Variants in HHAT observed in about 807,000 individuals in gnomAD.
HHAT encodes the protein hedgehog acyltransferase, also known as protein-cysteine N-palmitoyltransferase HHAT.
HHAT carries 47 observed loss-of-function variants against 70.8 expected under a neutral mutation model. The observed-to-expected ratio is 0.66, with a 90% CI of 0.53 to 0.85. The LOEUF is 0.85. Ranked by LOEUF, HHAT falls within the 40% of genes least tolerant of loss-of-function variation. The pLI, the probability that HHAT is intolerant of heterozygous loss-of-function variation, is 0.00. For synonymous variants in HHAT, 228 were observed against 247.6 expected (o/e 0.92, Z 0.74); for missense variants, 609 against 604.8 (o/e 1.01, Z -0.07).
chr1:210,388,044 G>C (rs1261818948), intron 4 of HHAT, among the ~76,000 whole-genome samples: 1 of 152,226 alleles, frequency 6.6e-6, no homozygotes, highest in East Asian at 1.9e-4. Context: ...TAGAGGATGA[G>C]AGATTCTTCA....
intron 7 of HHAT, among the ~76,000 whole-genome samples, chr1:210,429,656 A>T (rs1232586708): frequency 6.6e-6 from 1 of 151,558 alleles, no homozygotes; most frequent in Non-Finnish European, 1.5e-5. Context: ...TATCTGTGGG[A>T]TGCGTATAAT....
At chr1:210,587,289 G>A (rs1322212168) in intron 9 of HHAT, among the ~76,000 whole-genome samples, 1 of 152,162 alleles carries the variant, frequency 6.6e-6, no homozygotes, top group Admixed American at 6.5e-5. Context: ...TGAAGGAGAA[G>A]CAAAGGCACA....
chr1:210,400,384 C>A, intron 4 of HHAT, 84 bp from the exon 5 acceptor site: 2 of 1,240,296 alleles, frequency 1.6e-6, no homozygotes, highest in Non-Finnish European at 2.2e-6. Context: ...CCTTCAATAT[C>A]ACTTCCATGA....
chr1:210,632,354 G>T (rs1394639640), intron 11 of HHAT, among the ~76,000 whole-genome samples: 1 of 152,180 alleles, frequency 6.6e-6, no homozygotes, highest in African/African-American at 2.4e-5. Flanking sequence ...TAGGAGTGGA[G>T]GTTTAATAGG....
intron 6 of HHAT, among the ~76,000 whole-genome samples, chr1:210,410,523 A>ATT (rs35608235): frequency 0.015 from 1,724 of 116,330 alleles, 79 homozygotes; most frequent in African/African-American, 0.045. Context: ...TTATTTGTAA[A>ATT]TTTTTTTTTT....
chr1:210,497,088 T>C (rs1368324324), intron 8 of HHAT, among the ~76,000 whole-genome samples: 2 of 152,190 alleles, frequency 1.3e-5, no homozygotes, highest in Non-Finnish European at 1.5e-5. Flanking sequence ...ATGAGTGTGG[T>C]CTGAGTAATG....
chr1:210,540,613 T>C (rs553805170), intron 9 of HHAT, among the ~76,000 whole-genome samples: 29 of 148,224 alleles, frequency 2.0e-4, no homozygotes, highest in African/African-American at 7.2e-4. Context: ...TATGTGTATG[T>C]TTGCTTCAAT....
chr1:210,560,212 G>A (rs551217854), intron 9 of HHAT, among the ~76,000 whole-genome samples: 2 of 152,176 alleles, frequency 1.3e-5, no homozygotes, highest in South Asian at 4.2e-4. Context: ...TCCTAAAGAT[G>A]GTCCTTTATT....
intron 2 of HHAT, among the ~76,000 whole-genome samples, chr1:210,361,287 T>C (rs549182486): frequency 2.6e-5 from 4 of 152,356 alleles, no homozygotes; most frequent in Non-Finnish European, 4.4e-5. Flanking sequence ...CCTTTGGACT[T>C]GAGTCTGTGT....
intron 2 of HHAT, among the ~76,000 whole-genome samples, chr1:210,350,034 A>G (rs562605282): frequency 2.2e-4 from 33 of 152,328 alleles, no homozygotes; most frequent in South Asian, 1.7e-3. Flanking sequence ...GGAGGTGTCT[A>G]TTCTTACACC....
intron 11 of HHAT, among the ~76,000 whole-genome samples, chr1:210,631,458 T>A (rs540887902): frequency 6.6e-6 from 1 of 152,340 alleles, no homozygotes; most frequent in South Asian, 2.1e-4. Context: ...CCTACAACTC[T>A]TTATCCCAAG....
At chr1:210,389,367 CTTCTT>C (rs2091299202) in intron 4 of HHAT, among the ~76,000 whole-genome samples, 1 of 152,138 alleles carries the variant, frequency 6.6e-6, no homozygotes, top group Admixed American at 6.5e-5. Flanking sequence ...CTCTTTTCCT[CTTCTT>C]ATAAAGCCAC....
chr1:210,589,272 A>G (rs1483218830), intron 10 of HHAT: 1 of 152,244 alleles, frequency 6.6e-6, no homozygotes, highest in Non-Finnish European at 1.5e-5. Context: ...AGTTATTTCA[A>G]TAAAAACTGA....
At chr1:210,664,610 C>A (rs2148968165) in intron 11 of HHAT, among the ~76,000 whole-genome samples, 1 of 152,284 alleles carries the variant, frequency 6.6e-6, no homozygotes, top group Non-Finnish European at 1.5e-5. Context: ...GAAAATGCCA[C>A]CAAAGCAGAG....
intron 9 of HHAT, among the ~76,000 whole-genome samples, chr1:210,587,100 A>G (rs4077408): frequency 0.29 from 43,554 of 152,238 alleles, 7,350 homozygotes; most frequent in East Asian, 0.68. Context: ...AATTGCATTT[A>G]AATAATGGGT....
chr1:210,572,140 C>T (rs181863026), intron 9 of HHAT, among the ~76,000 whole-genome samples: 1 of 152,310 alleles, frequency 6.6e-6, no homozygotes, highest in Non-Finnish European at 1.5e-5. Flanking sequence ...CAAGCATTAT[C>T]AGTTTTCCTT....
intron 3 of HHAT, among the ~76,000 whole-genome samples, chr1:210,380,588 G>T (rs2090557159): frequency 6.6e-6 from 1 of 152,058 alleles, no homozygotes. Context: ...AATGGGATAA[G>T]TTGCTTTGTT....
chr1:210,353,944 ATTG>A (rs1476061952), intron 2 of HHAT, among the ~76,000 whole-genome samples: 1 of 151,914 alleles, frequency 6.6e-6, no homozygotes, highest in East Asian at 1.9e-4. Context: ...ATGTGTTTGG[ATTG>A]TTGATTGTTT....
intron 10 of HHAT, among the ~76,000 whole-genome samples, chr1:210,612,589 G>A (rs1367381228): frequency 6.6e-6 from 1 of 152,126 alleles, no homozygotes; most frequent in Non-Finnish European, 1.5e-5. Flanking sequence ...TGCCTATTGT[G>A]AATAATACTG....
Sources: gnomAD v4.1 joint callset for allele counts (sites outside exome capture counted in the v4.1 genomes callset) on GRCh38, gnomAD v4.1.1 for gene constraint, MANE v1.5 for transcripts, NCBI Gene and HGNC (gene_info 2026-07-23, HGNC 2026-07-21) for gene names.